TRIP11: variants seen among roughly 807,000 people sequenced by gnomAD.
TRIP11 encodes the protein thyroid receptor-interacting protein 11.
TRIP11 carries 148 observed loss-of-function variants against 223.1 expected under a neutral mutation model. The observed-to-expected ratio is 0.66, with a 90% CI of 0.58 to 0.76. The LOEUF (loss-of-function observed/expected upper bound fraction) is 0.76, where lower values mean the gene tolerates loss of function less well. Ranked by LOEUF, TRIP11 falls within the 30% of genes least tolerant of loss-of-function variation. The pLI is 0.00. For synonymous variants in TRIP11, 762 were observed against 772.6 expected, an observed-to-expected ratio of 0.99 and a Z score of 0.23; for missense variants, 2,043 against 2,222.0, an observed-to-expected ratio of 0.92 and a Z score of 1.62.
rs1450599861 is a variant in TRIP11, at chr14:92,004,223, T to G, written c.3753A>C (p.Ala1251=). ...TATTATCACTGTCAACCAAAACCTGTGCTTGAAGTTGGTGAAGCTCTTCCT... is the reference window on the plus strand; with the variant it reads ...TATTATCACTGTCAACCAAAACCTGGGCTTGAAGTTGGTGAAGCTCTTCCT... ...QLQEELHQLQ[A]QVLVDSDNNS... The change falls in exon 11 of 21, where the codon GCA becomes GCC. Residue 1251 remains alanine (A), a synonymous_variant. Coordinates refer to ENST00000267622, the MANE Select transcript of TRIP11 (RefSeq NM_004239.4). The G allele has an allele frequency of 2.5e-6, 4 of 1,614,074 alleles. No individual in the cohort carries two copies. In the African/African-American group the frequency reaches 5.3e-5, roughly 22 times the overall value.
At chr14:91,971,852 T>C (rs1331206833) in intron 20 of TRIP11, among the ~76,000 whole-genome samples, 3 of 152,218 alleles carry the variant, frequency 2.0e-5, no homozygotes, top group Admixed American at 6.5e-5. Context: ...AATATTTGTC[T>C]AAACGACAGA....
rs1037167520 is a variant in TRIP11 at position 92,037,696 on chromosome 14, C to T, written c.139+1851G>A. On this transcript the variant is annotated intron_variant, in intron 1 of 20. Coordinates refer to ENST00000267622, the MANE Select transcript of TRIP11 (RefSeq NM_004239.4). This position sits in a 1 kb window ranked among gnomAD's most constrained non-coding sequence, Gnocchi z 4.2. ...TTCGAGATCAGCCTGGCCAACATGG[C>T]GAAACCCCATCTCTACTAAAAATAC... is the stretch of plus-strand genomic sequence containing the variant. 3.3e-5 allele frequency among the ~76,000 whole-genome samples: 5 copies of T among 152,092 alleles called. No homozygotes were observed. The South Asian group carries it at 6.2e-4, about 19-fold the overall frequency.
intron 10 of TRIP11, among the ~76,000 whole-genome samples, chr14:92,006,769 A>C (rs1315247246): frequency 6.6e-6 from 1 of 152,066 alleles, no homozygotes; most frequent in Non-Finnish European, 1.5e-5. Flanking sequence ...CCCAGGTTCA[A>C]GCAATTCTCC....
chr14:91,992,735 T>C (rs200104412), intron 15 of TRIP11, among the ~76,000 whole-genome samples: 42 of 151,506 alleles, frequency 2.8e-4, no homozygotes, highest in Middle Eastern at 6.8e-3. Context: ...TGGTGAAACC[T>C]CGTCTCTACT....
rs144403505 is a variant in TRIP11 at position 91,969,573 on chromosome 14, T to C, written c.*100A>G. On this transcript the variant is annotated 3_prime_UTR_variant, in exon 21 of 21. Transcript: ENST00000267622. ...CAGAGAAAGCATAATTGCGAACAAA[T>C]ACATGACTTTCTCCCCAAAGGCCAC... The C allele has an allele frequency of 3.3e-3, 3,874 of 1,170,396 alleles. 14 individuals carry two copies. Among genetic ancestry groups the C allele is most frequent in the South Asian group, 4.4e-3 (351 of 80,002 alleles). The allele number at this position is 1,170,396 out of a possible 1,614,324, so 72.5% of individuals were successfully genotyped here. A position where few individuals can be genotyped will look rare whatever the true frequency, so the allele number is the denominator to read the frequency against.
rs996377329 is a variant in TRIP11 at position 92,006,388 on chromosome 14, T to C, written c.1588A>G (p.Ser530Gly). Reference sequence around the variant, plus strand: ...TCATTTAGATCTTGTTTCAGTTTACTGATGATGCTATCTCCTTCATTTTGT... The same window carrying C: ...TCATTTAGATCTTGTTTCAGTTTACCGATGATGCTATCTCCTTCATTTTGT... ...KQQNEGDSII[S>G]KLKQDLNDEK... is the part of the protein sequence containing the mutation. Residue 530 changes from serine to glycine, a missense_variant, in exon 11 of 21, where the codon AGT (serine) becomes GGT (glycine). Transcript: ENST00000267622. 1.2e-6 allele frequency: 2 copies of C among 1,613,146 alleles called. No homozygotes were observed. The highest frequency in any genetic ancestry group is 1.3e-5 in the African/African-American group (1 of 75,048).
chr14:92,039,707 C>G lies in TRIP11; in HGVS notation c.-22G>C, dbSNP rs887456716. 5.0e-6 allele frequency: 8 copies of G among 1,607,576 alleles called. No homozygotes were observed. Among genetic ancestry groups the G allele is most frequent in the Non-Finnish European group, 5.9e-6 (7 of 1,177,134 alleles). ...ACATCGCGGCGAGTTTAGAGAACGACCCGGTCCGCTCGGAAAAAAGAAAAC... is the reference window on the plus strand; with the variant it reads ...ACATCGCGGCGAGTTTAGAGAACGAGCCGGTCCGCTCGGAAAAAAGAAAAC... On this transcript the variant is annotated 5_prime_UTR_variant, in exon 1 of 21. Transcript: ENST00000267622.
chr14:92,039,482 T>C (rs1424727086), intron 1 of TRIP11, 65 bp downstream of exon 1: 10 of 1,579,932 alleles, frequency 6.3e-6, no homozygotes, highest in South Asian at 1.1e-5. Context: ...CTGATGGAAG[T>C]AGGGACCAAA....
At position 92,005,719 on chromosome 14, in the gene TRIP11, T is replaced by C. The variant is rs1426228183; in HGVS notation, c.2257A>G (p.Asn753Asp). The change falls in exon 11 of 21, where the codon AAT (asparagine) becomes GAT (aspartate). Residue 753 changes from asparagine (N) to aspartate (D), a missense_variant. Coordinates refer to ENST00000267622, the MANE Select transcript of TRIP11 (RefSeq NM_004239.4). The stretch of plus-strand genomic sequence containing the variant: ...TGTTCCAGCTGTAAGGCAGAGGTAT[T>C]CAAATTACGTGCATTTGACAGTTCT... ...IEELSNARNLNTSALQLEHEH... is the reference protein window; with the variant it reads ...IEELSNARNLDTSALQLEHEH... The C allele has an allele frequency of 1.2e-5, 20 of 1,613,906 alleles. No individual in the cohort carries two copies. The highest frequency in any genetic ancestry group is 2.2e-5 in the East Asian group (1 of 44,878).
At chr14:91,974,196 G>A (rs1042972268) in intron 19 of TRIP11, among the ~76,000 whole-genome samples, 6 of 152,126 alleles carry the variant, frequency 3.9e-5, no homozygotes, top group African/African-American at 9.7e-5. Flanking sequence ...GAGGGCAGGC[G>A]CCGTTTCTAT....
chr14:92,020,897 C>T (rs1268910709), intron 4 of TRIP11, among the ~76,000 whole-genome samples: 3 of 151,066 alleles, frequency 2.0e-5, no homozygotes, highest in African/African-American at 7.3e-5. Context: ...TAGTGAAACC[C>T]CATCTCTACT....
At chr14:92,034,455 T>TAA (rs949205742) in intron 1 of TRIP11, among the ~76,000 whole-genome samples, 16 of 150,946 alleles carry the variant, frequency 1.1e-4, no homozygotes, top group African/African-American at 3.7e-4. Context: ...AGCTGGAACT[T>TAA]AAAGTGGCAC....
chr14:92,005,595 T>C lies in TRIP11; in HGVS notation c.2381A>G (p.Asp794Gly), dbSNP rs1240875653. The C allele has an allele frequency of 6.2e-7, 1 of 1,613,458 alleles. No homozygotes were observed. The highest frequency in any genetic ancestry group is 1.3e-5 in the African/African-American group (1 of 74,836). ...QMDTDHKETK[D>G]VLSSSLEEQK... Reference sequence around the variant, plus strand: ...CTCTTCTAAACTAGATGACAAAACGTCCTTAGTTTCTTTATGGTCAGTATC... The same window carrying C: ...CTCTTCTAAACTAGATGACAAAACGCCCTTAGTTTCTTTATGGTCAGTATC... Residue 794 changes from aspartate (D) to glycine (G), a missense_variant, in exon 11 of 21, where the codon GAC (aspartate) becomes GGC (glycine). Transcript: ENST00000267622.
chr14:92,028,161 T>A (rs1288635890), intron 2 of TRIP11, among the ~76,000 whole-genome samples: 1 of 152,218 alleles, frequency 6.6e-6, no homozygotes, highest in Admixed American at 6.5e-5. Context: ...ATACCTAAGG[T>A]TATTTATTTA....
intron 2 of TRIP11, among the ~76,000 whole-genome samples, chr14:92,032,340 G>T (rs145339386): frequency 6.6e-6 from 1 of 151,484 alleles, no homozygotes; most frequent in African/African-American, 2.4e-5. Context: ...AGTTAGAGAT[G>T]GGGTTTCACC....
rs528382853 is a variant in TRIP11 at position 91,997,744 on chromosome 14, G to T, written c.4892+1496C>A. ...GATGTAGCTGATAACATGAAATAAG[G>T]CTAAGGTGGTAGGAGCCTGGGACCA... On this transcript the variant is annotated intron_variant, in intron 13 of 20. Coordinates refer to ENST00000267622, the MANE Select transcript of TRIP11 (RefSeq NM_004239.4). 4.6e-5 allele frequency among the ~76,000 whole-genome samples: 7 copies of T among 152,218 alleles called. No individual in the cohort carries two copies. In the East Asian group the frequency reaches 1.4e-3, roughly 29 times the overall value.
chr14:92,004,345 G>A lies in TRIP11; in HGVS notation c.3631C>T (p.Arg1211Cys), dbSNP rs760350739. ...TTTACTTGCTGTTTTAACTTGTCAC[G>A]TTCCTGTAGAAGCTCCTCAAATTGA... is the stretch of plus-strand genomic sequence containing the variant. ...SNQFEELLQE[R>C]DKLKQQVKKM... Residue 1211 changes from arginine (R) to cysteine (C), a missense_variant, in exon 11 of 21, where the codon CGT (arginine) becomes TGT (cysteine). Physicochemically the swap from Arg to Cys is radical, Grantham distance 180. Coordinates refer to ENST00000267622, the MANE Select transcript of TRIP11 (RefSeq NM_004239.4). 1.1e-5 allele frequency: 18 copies of A among 1,613,948 alleles called. No individual in the cohort carries two copies. The highest frequency in any genetic ancestry group is 3.3e-5 in the Admixed American group (2 of 59,998).
At chr14:91,992,908 CAAAAAAAAAAAAAA>C (rs550702989) in intron 15 of TRIP11, among the ~76,000 whole-genome samples, 776 of 29,280 alleles carry the variant, frequency 0.027, 35 homozygotes, top group South Asian at 0.24. Flanking sequence ...GACTCCGTCT[CAAAAAAAAAAAAAA>C]AAAAAAAAAA....
At chr14:92,016,506 C>G (rs2140132161) in intron 5 of TRIP11, among the ~76,000 whole-genome samples, 1 of 152,296 alleles carries the variant, frequency 6.6e-6, no homozygotes, top group Admixed American at 6.5e-5. Context: ...CTCCTTCAAT[C>G]CTGCGGATGG....
Sources: allele counts gnomAD v4.1 joint callset (sites outside exome capture counted in the v4.1 genomes callset), GRCh38; gene constraint gnomAD v4.1.1; non-coding constraint Gnocchi (gnomAD v3.1); transcripts MANE v1.5; gene names NCBI Gene and HGNC (gene_info 2026-07-23, HGNC 2026-07-21).